Variants in FAM13A observed in about 807,000 individuals in gnomAD.
The protein encoded by FAM13A is protein FAM13A.
A neutral mutation model predicts 129.6 loss-of-function variants in FAM13A; 76 were observed. The observed-to-expected ratio is 0.59, with a 90% CI of 0.49 to 0.71. The LOEUF is 0.71. Among genes scored for constraint, FAM13A ranks in the 30% least tolerant of loss-of-function variants. The pLI is 0.00. For missense variants in FAM13A, 1,108 were observed against 1,249.3 expected (o/e 0.89, Z 1.70); for synonymous variants, 443 against 449.9 (o/e 0.98, Z 0.20).
intron 13 of FAM13A, among the ~76,000 whole-genome samples, chr4:88,759,753 A>G (rs1452878852): frequency 6.6e-6 from 1 of 152,178 alleles, no homozygotes; most frequent in East Asian, 1.9e-4. Context: ...TATTGGTGGC[A>G]CCCACACCAG....
At chr4:88,923,993 C>A (rs1463257084) in intron 5 of FAM13A, among the ~76,000 whole-genome samples, 1 of 152,144 alleles carries the variant, frequency 6.6e-6, no homozygotes, top group Non-Finnish European at 1.5e-5. Context: ...ATCCAACTTA[C>A]AAAGGACGTG....
At chr4:88,804,779 T>C (rs904742214) in intron 8 of FAM13A, among the ~76,000 whole-genome samples, 2 of 152,152 alleles carry the variant, frequency 1.3e-5, no homozygotes, top group Admixed American at 6.5e-5. Context: ...CTTGGCACTT[T>C]TGAATTTAAA....
At chr4:88,736,941 T>C (rs565794472) in intron 21 of FAM13A, among the ~76,000 whole-genome samples, 2 of 152,290 alleles carry the variant, frequency 1.3e-5, no homozygotes, top group South Asian at 4.1e-4. Context: ...AAGCCGGAAA[T>C]ACTGCACCCA....
At chr4:88,822,507 T>C (rs1377856453) in intron 7 of FAM13A, among the ~76,000 whole-genome samples, 1 of 152,236 alleles carries the variant, frequency 6.6e-6, no homozygotes, top group Non-Finnish European at 1.5e-5. Flanking sequence ...TATTCTCACA[T>C]ATTATGATGT....
chr4:88,792,335 A>T (rs1402709980), intron 8 of FAM13A, among the ~76,000 whole-genome samples: 2 of 152,088 alleles, frequency 1.3e-5, no homozygotes, highest in Non-Finnish European at 2.9e-5. Context: ...CTAAGCTCTT[A>T]ATCACTCCAC....
intron 4 of FAM13A, among the ~76,000 whole-genome samples, chr4:88,988,304 T>C (rs1401205637): frequency 6.6e-6 from 1 of 152,112 alleles, no homozygotes; most frequent in Non-Finnish European, 1.5e-5. Context: ...CCAAGTAGAA[T>C]GGATGAAGCA....
At chr4:88,862,695 T>A (rs1475586969) in intron 6 of FAM13A, among the ~76,000 whole-genome samples, 4 of 152,042 alleles carry the variant, frequency 2.6e-5, no homozygotes, top group Admixed American at 2.6e-4. Context: ...TGGACAATTA[T>A]TAGTTGTCTT....
At chr4:89,053,784 G>T (rs1280095269) in intron 1 of FAM13A, among the ~76,000 whole-genome samples, 2 of 150,904 alleles carry the variant, frequency 1.3e-5, no homozygotes, top group Non-Finnish European at 3.0e-5. Context: ...CAGAGTATAA[G>T]AATCTACACA....
chr4:88,763,116 G>C (rs1745102404), intron 13 of FAM13A, among the ~76,000 whole-genome samples: 1 of 152,174 alleles, frequency 6.6e-6, no homozygotes, highest in Non-Finnish European at 1.5e-5. Context: ...GACTTTCAGT[G>C]AGTAAATTTC....
chr4:88,957,134 T>C (rs1162944811), intron 4 of FAM13A, among the ~76,000 whole-genome samples: 1 of 152,214 alleles, frequency 6.6e-6, no homozygotes, highest in Non-Finnish European at 1.5e-5. Context: ...GAGACCAGCC[T>C]GGCTAACATG....
At chr4:88,886,352 GC>G (rs1481902999) in intron 6 of FAM13A, among the ~76,000 whole-genome samples, 1 of 152,182 alleles carries the variant, frequency 6.6e-6, no homozygotes, top group Non-Finnish European at 1.5e-5. Flanking sequence ...ACTTTGGGAG[GC>G]CGAGGCAGGC....
chr4:88,951,508 T>C (rs1337583327), intron 4 of FAM13A, among the ~76,000 whole-genome samples: 4 of 152,210 alleles, frequency 2.6e-5, no homozygotes, highest in African/African-American at 4.8e-5. Flanking sequence ...TACTTATAAA[T>C]TTTATGTTTA....
intron 5 of FAM13A, among the ~76,000 whole-genome samples, chr4:88,914,178 C>T (rs951010124): frequency 2.0e-5 from 3 of 152,144 alleles, no homozygotes; most frequent in South Asian, 2.1e-4. Context: ...AAACTGAAAT[C>T]GGTCTACTCT....
At chr4:88,979,536 T>C (rs1761371121) in intron 4 of FAM13A, among the ~76,000 whole-genome samples, 1 of 152,204 alleles carries the variant, frequency 6.6e-6, no homozygotes, top group Non-Finnish European at 1.5e-5. Flanking sequence ...TGCTGCAAGT[T>C]TCCTCACGTG....
At chr4:88,957,980 G>A (rs1342262604) in intron 4 of FAM13A, among the ~76,000 whole-genome samples, 5 of 152,084 alleles carry the variant, frequency 3.3e-5, no homozygotes, top group African/African-American at 1.2e-4. Flanking sequence ...AGATGTGAGA[G>A]CAAAGAAATG....
At chr4:88,984,222 TC>T (rs1761970241) in intron 4 of FAM13A, among the ~76,000 whole-genome samples, 1 of 152,160 alleles carries the variant, frequency 6.6e-6, no homozygotes, top group Non-Finnish European at 1.5e-5. Flanking sequence ...ATCTTCATGA[TC>T]TTGGTTAGCC....
At chr4:89,029,067 A>C (rs1442114513) in intron 2 of FAM13A, among the ~76,000 whole-genome samples, 1 of 152,202 alleles carries the variant, frequency 6.6e-6, no homozygotes, top group African/African-American at 2.4e-5. Flanking sequence ...GCATTGAATA[A>C]GTTCATGATT....
chr4:88,974,793 C>A (rs2085601), intron 4 of FAM13A, among the ~76,000 whole-genome samples: 106,025 of 152,060 alleles, frequency 0.7, 37,006 homozygotes, highest in Middle Eastern at 0.81. Flanking sequence ...TTGGGGTCTG[C>A]GGAATGCACT....
intron 6 of FAM13A, among the ~76,000 whole-genome samples, chr4:88,857,244 G>T (rs1738675440): frequency 6.6e-6 from 1 of 152,144 alleles, no homozygotes; most frequent in African/African-American, 2.4e-5. Flanking sequence ...CCAAGTTTTA[G>T]AGCAAGTCTG....
Sources: gnomAD v4.1 joint callset for allele counts (sites outside exome capture counted in the v4.1 genomes callset) on GRCh38, gnomAD v4.1.1 for gene constraint, MANE v1.5 for transcripts, NCBI Gene and HGNC (gene_info 2026-07-23, HGNC 2026-07-21) for gene names.